VPS28: variants seen among roughly 807,000 people sequenced by gnomAD.
The protein encoded by VPS28 is vacuolar protein sorting-associated protein 28 homolog.
In VPS28, 29 loss-of-function variants were observed where a neutral mutation model predicts 33.7. That is an observed-to-expected ratio of 0.86 (90% CI 0.64 to 1.17). The LOEUF is 1.17. VPS28 is among the 50% of genes most tolerant of loss of function. The probability of loss-of-function intolerance (pLI) is 0.00; values close to 1 mark genes in which losing one functional copy is unlikely to be tolerated. For synonymous variants in VPS28, 164 were observed against 116.7 expected, an observed-to-expected ratio of 1.40 and a Z score of -2.61; for missense variants, 247 against 312.2, an observed-to-expected ratio of 0.79 and a Z score of 1.57.
intron 5 of VPS28, 168 bp from the exon 6 acceptor site, chr8:144,425,219 T>A: frequency 1.6e-6 from 1 of 635,600 alleles, no homozygotes; most frequent in Non-Finnish European, 2.7e-6. Context: ...GGTGAGGCCC[T>A]GAGCACGTAG....
intron 2 of VPS28, 72 bp downstream of exon 2, chr8:144,426,837 C>T (rs572987571): frequency 1.3e-6 from 2 of 1,571,494 alleles, no homozygotes; most frequent in East Asian, 2.3e-5. Context: ...ACCCCCGATC[C>T]CCAATACCCA....
Position 144,423,689 on chromosome 8 carries a change from G to A in VPS28, c.*116C>T. 1 of 1,343,834 alleles carries A rather than the reference G, an allele frequency of 7.4e-7. No individual in the cohort carries two copies. Among genetic ancestry groups the A allele is most frequent in the Non-Finnish European group, 1.0e-6 (1 of 963,312 alleles). 83.2% of individuals were successfully genotyped at this position (1,343,834 alleles called of 1,614,324 possible). ...GTTCTGACACCAAAGACAGACACCA[G>A]ACAGGCAGCTGCAGACAGTGAGTTG... On this transcript the variant is annotated 3_prime_UTR_variant, in exon 10 of 10. Coordinates refer to ENST00000292510, the MANE Select transcript of VPS28 (RefSeq NM_016208.4).
chr8:144,425,593 TCC>T (rs1822674358), intron 5 of VPS28, 88 bp downstream of exon 5: 9 of 1,427,070 alleles, frequency 6.3e-6, no homozygotes, highest in Non-Finnish European at 7.7e-6. Context: ...AGTGGGTGCC[TCC>T]CAGCCTGACA....
intron 8 of VPS28, 24 bp downstream of exon 8, chr8:144,424,191 C>T: frequency 2.5e-6 from 4 of 1,578,698 alleles, no homozygotes; most frequent in South Asian, 1.2e-5. Flanking sequence ...CTGCCTAGGC[C>T]CCCTGCCAGC....
intron 7 of VPS28, 89 bp downstream of exon 7, chr8:144,424,629 C>A (rs554457463): frequency 1.4e-6 from 2 of 1,389,088 alleles, no homozygotes; most frequent in African/African-American, 2.8e-5. Context: ...TGCTGCTCAG[C>A]TCTGGAGGCC....
intron 1 of VPS28, among the ~76,000 whole-genome samples, chr8:144,427,446 G>C (rs963157968): frequency 4.6e-5 from 7 of 152,206 alleles, no homozygotes; most frequent in Non-Finnish European, 8.8e-5. Context: ...CAGAAAAAGT[G>C]AGGTACTATG....
chr8:144,426,668 A>G, intron 2 of VPS28: 2 of 519,792 alleles, frequency 3.8e-6, no homozygotes, highest in Non-Finnish European at 6.9e-6. Flanking sequence ...GGTGCCCAGG[A>G]CCCCCACCGT....
intron 5 of VPS28, chr8:144,425,337 T>C (rs782801629): frequency 2.0e-5 from 10 of 502,626 alleles, no homozygotes; most frequent in African/African-American, 1.0e-4. Context: ...CCACAGCTCA[T>C]GGTCCTGTGC....
chr8:144,426,502 C>T, intron 2 of VPS28: 1 of 466,808 alleles, frequency 2.1e-6, no homozygotes, highest in East Asian at 3.8e-5. Flanking sequence ...ACTGCGGCTC[C>T]CCGGGGGACC....
rs1242105486 is a variant in VPS28, at chr8:144,428,479, C to T, written c.-35+10G>A. 2 of 152,286 alleles carry T rather than the reference C, an allele frequency of 1.3e-5. No individual in the cohort carries two copies. Among genetic ancestry groups the T allele is most frequent in the Admixed American group, 1.3e-4 (2 of 15,292 alleles). 9.4% of individuals were successfully genotyped at this position (152,286 alleles called of 1,614,324 possible). A position where few individuals can be genotyped will look rare whatever the true frequency, so the allele number is the denominator to read the frequency against. Reference sequence around the variant, plus strand: ...GCCCCTTCCCCGCCCACCGGCCGGGCCCCGGGTACCTGGACGGCTCGCGGT... The same window carrying T: ...GCCCCTTCCCCGCCCACCGGCCGGGTCCCGGGTACCTGGACGGCTCGCGGT... On this transcript the variant is annotated intron_variant, in intron 1 of 9. Transcript: ENST00000292510.
At position 144,423,620 on chromosome 8, in the gene VPS28, G is replaced by T. The variant is rs114205096; in HGVS notation, c.*185C>A. The stretch of plus-strand genomic sequence containing the variant: ...CCTGGGGGAGCCACCCAAGCAGGAA[G>T]GTCGGAGAGCATCTTTATTGTGGGG... On this transcript the variant is annotated 3_prime_UTR_variant, in exon 10 of 10. Coordinates refer to ENST00000292510, the MANE Select transcript of VPS28 (RefSeq NM_016208.4). 0.011 allele frequency: 8,476 copies of T among 739,156 alleles called. 503 individuals are homozygous for T. The African/African-American group carries it at 0.13, about 11-fold the overall frequency. The allele number at this position is 739,156 out of a possible 1,614,324, so 45.8% of individuals were successfully genotyped here.
In VPS28 at chr8:144,424,702, G is replaced by A; in HGVS notation, c.402+16C>T. The A allele has an allele frequency of 6.2e-7, 1 of 1,608,364 alleles. No homozygotes were observed. The highest frequency in any genetic ancestry group is 8.5e-7 in the Non-Finnish European group (1 of 1,179,614). Reference sequence around the variant, plus strand: ...CTCGGCTCTCCTAACCACGTGCCCTGGGGGCTGGGGCGCACCGAGACCACG... The same window carrying A: ...CTCGGCTCTCCTAACCACGTGCCCTAGGGGCTGGGGCGCACCGAGACCACG... On this transcript the variant is annotated intron_variant, in intron 7 of 9. Coordinates refer to ENST00000292510, the MANE Select transcript of VPS28 (RefSeq NM_016208.4).
At chr8:144,425,456 G>A in intron 5 of VPS28, 1 of 587,970 alleles carries the variant, frequency 1.7e-6, no homozygotes, top group South Asian at 2.1e-5. Flanking sequence ...GCTGGGGGAT[G>A]AGGGTGGGGG....
chr8:144,425,585 T>G, intron 5 of VPS28, 98 bp downstream of exon 5: 2 of 1,317,496 alleles, frequency 1.5e-6, no homozygotes, highest in South Asian at 2.6e-5. Flanking sequence ...CCCACACAAG[T>G]GGGTGCCTCC....
At chr8:144,428,115 G>A (rs782728765) in intron 1 of VPS28, among the ~76,000 whole-genome samples, 1 of 152,126 alleles carries the variant, frequency 6.6e-6, no homozygotes, top group Non-Finnish European at 1.5e-5. Flanking sequence ...GCTCATGTAG[G>A]TAGGGAACGT....
chr8:144,424,037 C>T lies in VPS28; in HGVS notation c.548+4G>A. 1.3e-6 allele frequency: 2 copies of T among 1,586,708 alleles called. No homozygotes were observed. Among genetic ancestry groups the T allele is most frequent in the Non-Finnish European group, 1.7e-6 (2 of 1,162,864 alleles). ...GGCTCTGCCTGGCTGGGAGGGACAC[C>T]CACCACTGGCTGACCGTCTGGCGGC... On this transcript the variant is annotated splice_donor_region_variant and intron_variant, in intron 9 of 9. Transcript: ENST00000292510.
rs782633289 is a variant in VPS28, at chr8:144,423,841, T to A, written c.630A>T (p.Ser210=). ...GGAAGCGGTTGAAGGCGTTGTAGGC[T>A]GACTCCAGGTCGAACAGCATCTGAC... ...QVRQMLFDLE[S]AYNAFNRFLH... Residue 210 remains serine, a synonymous_variant, in exon 10 of 10, where the codon TCA becomes TCT. Transcript: ENST00000292510. 3.1e-6 allele frequency: 5 copies of A among 1,613,048 alleles called. No individual in the cohort carries two copies. In the Admixed American group the frequency reaches 5.0e-5, roughly 16 times the overall value.
rs1822592392 is a variant in VPS28, at chr8:144,424,591, G to A, written c.402+127C>T. 23 of 1,077,944 alleles carry A rather than the reference G, an allele frequency of 2.1e-5. 1 individual carries two copies. In the South Asian group the frequency reaches 3.1e-4, roughly 14 times the overall value. 66.8% of individuals were successfully genotyped at this position (1,077,944 alleles called of 1,614,324 possible). On this transcript the variant is annotated intron_variant, in intron 7 of 9. Coordinates refer to ENST00000292510, the MANE Select transcript of VPS28 (RefSeq NM_016208.4). The stretch of plus-strand genomic sequence containing the variant: ...GCCCACCCCTCATTCCTAGTTAAAG[G>A]GGTTCCCTTCTGCCCAGCAAGTCAG...
At chr8:144,427,473 G>A (rs1253959531) in intron 1 of VPS28, among the ~76,000 whole-genome samples, 3 of 152,140 alleles carry the variant, frequency 2.0e-5, no homozygotes, top group African/African-American at 7.2e-5. Context: ...CAGGAGAGCG[G>A]GGCGGGGGCT....
Sources: allele counts gnomAD v4.1 joint callset (sites outside exome capture counted in the v4.1 genomes callset), GRCh38; gene constraint gnomAD v4.1.1; transcripts MANE v1.5; gene names NCBI Gene and HGNC (gene_info 2026-07-23, HGNC 2026-07-21).